The following POLA1 variants were observed in gnomAD, a reference collection of about 807,000 sequenced individuals.
POLA1 encodes DNA polymerase alpha catalytic subunit.
Under a neutral mutation model 124.0 loss-of-function variants are expected in POLA1, and 15 were observed. The ratio of observed to expected loss-of-function variants is 0.12; its 90% CI spans 0.08 to 0.19. POLA1 has a LOEUF of 0.19. Ranked by LOEUF, POLA1 falls within the 10% of genes least tolerant of loss-of-function variation. The pLI, the probability that POLA1 is intolerant of heterozygous loss-of-function variation, is 1.00. For missense variants in POLA1, 886 were observed against 1,103.4 expected (o/e 0.80, Z 2.79); for synonymous variants, 408 against 389.4 (o/e 1.05, Z -0.56).
At chrX:24,970,176 T>C (rs112971735) in intron 36 of POLA1, among the ~76,000 whole-genome samples, 5,391 of 111,838 alleles carry the variant, frequency 0.048, 326 homozygotes, top group African/African-American at 0.17. Context: ...ATCTGATGTT[T>C]GACAAACCTG....
Position 24,930,491 on chromosome X carries a change from C to T in POLA1, c.4203C>T (p.Tyr1401=). 8.3e-7 allele frequency: 1 copy of T among 1,200,672 alleles called. No individual in the cohort carries two copies. The highest frequency in any genetic ancestry group is 1.1e-6 in the Non-Finnish European group (1 of 885,217). Reference sequence around the variant, plus strand: ...CCCTGTACACCCAGCTGTGCTTTTACCGGTACATTTTTGATGCGGAGTGTG... The same window carrying T: ...CCCTGTACACCCAGCTGTGCTTTTATCGGTACATTTTTGATGCGGAGTGTG... ...DKSLYTQLCF[Y]RYIFDAECAL... Residue 1401 remains tyrosine, a synonymous_variant, in exon 36 of 37, where the codon TAC becomes TAT. Coordinates refer to ENST00000379068, the MANE Select transcript of POLA1 (RefSeq NM_001330360.2).
intron 35 of POLA1, among the ~76,000 whole-genome samples, chrX:24,905,219 G>A (rs944794007): frequency 3.7e-5 from 4 of 109,301 alleles, no homozygotes; most frequent in Non-Finnish European, 1.9e-5. Context: ...TGACATTGGC[G>A]ACACAGAAAG....
At chrX:24,901,283 A>C (rs1266161688) in intron 35 of POLA1, among the ~76,000 whole-genome samples, 1 of 111,512 alleles carries the variant, frequency 9.0e-6, no homozygotes, top group African/African-American at 3.3e-5. Flanking sequence ...ATAGTAAGCA[A>C]AGGCCAGAGG....
chrX:24,943,828 C>A (rs1569370810), intron 36 of POLA1, among the ~76,000 whole-genome samples: 1 of 112,173 alleles, frequency 8.9e-6, no homozygotes, highest in African/African-American at 3.2e-5. Context: ...TGTGAATTAG[C>A]AAGGTTCTGC....
chrX:24,852,919 C>T (rs764889354), intron 34 of POLA1, among the ~76,000 whole-genome samples: 221 of 111,912 alleles, frequency 2.0e-3, no homozygotes, highest in Non-Finnish European at 3.7e-3. Flanking sequence ...CTCCATCCAC[C>T]ATCAAAGAAT....
At chrX:24,933,619 T>C (rs1421854596) in intron 36 of POLA1, among the ~76,000 whole-genome samples, 1 of 112,431 alleles carries the variant, frequency 8.9e-6, no homozygotes, top group African/African-American at 3.2e-5. Context: ...CAACATTTCC[T>C]TCACTAAGAT....
chrX:24,861,178 A>G (rs2046711023), intron 34 of POLA1, among the ~76,000 whole-genome samples: 1 of 111,858 alleles, frequency 8.9e-6, no homozygotes, highest in South Asian at 3.7e-4. Context: ...CTTTGCCCAG[A>G]CTGGAGTGCA....
At chrX:24,843,497 T>G (rs2046435460) in intron 33 of POLA1, 49 bp from the exon 34 acceptor site, 1 of 1,040,387 alleles carries the variant, frequency 9.6e-7, no homozygotes, top group Non-Finnish European at 1.3e-6. Flanking sequence ...ACAAAAACCC[T>G]TTTATAGCCT....
intron 36 of POLA1, among the ~76,000 whole-genome samples, chrX:24,961,940 G>A (rs1347292551): frequency 1.8e-5 from 2 of 111,801 alleles, no homozygotes; most frequent in Non-Finnish European, 3.8e-5. Flanking sequence ...AGGGGAAAGA[G>A]CATTGTGATG....
chrX:24,952,534 A>C (rs776433196), intron 36 of POLA1, among the ~76,000 whole-genome samples: 1 of 112,293 alleles, frequency 8.9e-6, no homozygotes, highest in East Asian at 2.8e-4. Flanking sequence ...TGAAAAAAGC[A>C]GAAGGGAAAA....
At chrX:24,942,992 C>T (rs976206136) in intron 36 of POLA1, among the ~76,000 whole-genome samples, 6 of 112,391 alleles carry the variant, frequency 5.3e-5, no homozygotes, top group Admixed American at 4.7e-4. Context: ...CCACTGGGCC[C>T]GCTGTCCTTG....
rs1339175196 is a variant in POLA1 at position 24,801,970 on chromosome X, T to TGTGTGTGTGA, written c.2965-7927_2965-7926insTGTGTGTGAG. Among the ~76,000 whole-genome samples the TGTGTGTGTGA allele has an allele frequency of 2.0e-4, 21 of 106,020 alleles. 1 individual carries two copies. Among genetic ancestry groups the TGTGTGTGTGA allele is most frequent in the Non-Finnish European group, 9.7e-5 (5 of 51,484 alleles). 92.1% of individuals were successfully genotyped at this position (106,020 alleles called of 115,157 possible). ...GTGTGTGTGTGTGTGTGTGTGTGTGTGACATTTATTGTGGAGGCTGTCAAG... is the reference window on the plus strand; with the variant it reads ...GTGTGTGTGTGTGTGTGTGTGTGTGTGTGTGTGTGAGACATTTATTGTGGAGGCTGTCAAG... On this transcript the variant is annotated intron_variant, in intron 26 of 36. Coordinates refer to ENST00000379068, the MANE Select transcript of POLA1 (RefSeq NM_001330360.2).
intron 26 of POLA1, among the ~76,000 whole-genome samples, chrX:24,802,952 C>T (rs1390497948): frequency 3.6e-5 from 4 of 111,219 alleles, no homozygotes; most frequent in African/African-American, 6.5e-5. Flanking sequence ...GAGCCGAGAT[C>T]GTGCCACTGC....
At chrX:24,747,158 C>CT (rs762280757) in intron 24 of POLA1, among the ~76,000 whole-genome samples, 4,338 of 100,147 alleles carry the variant, frequency 0.043, 262 homozygotes, top group African/African-American at 0.15. Flanking sequence ...CTCCAAGCTC[C>CT]TTTTTTTTTT....
intron 32 of POLA1, among the ~76,000 whole-genome samples, chrX:24,828,882 T>A (rs1360931937): frequency 8.9e-6 from 1 of 111,787 alleles, no homozygotes; most frequent in Non-Finnish European, 1.9e-5. Flanking sequence ...CAGACTGATT[T>A]TGTTAGTTCC....
intron 36 of POLA1, among the ~76,000 whole-genome samples, chrX:24,982,957 T>C (rs918270757): frequency 1.2e-4 from 14 of 112,471 alleles, no homozygotes; most frequent in Non-Finnish European, 1.7e-4. Flanking sequence ...TTAAAAATTA[T>C]ATAAATAAGC....
At chrX:24,908,898 T>C (rs2147174930) in intron 35 of POLA1, among the ~76,000 whole-genome samples, 1 of 111,908 alleles carries the variant, frequency 8.9e-6, no homozygotes, top group South Asian at 3.8e-4. Flanking sequence ...CAGCACCTGT[T>C]GTTTCCTGAC....
At chrX:24,919,534 C>T (rs6628040) in intron 35 of POLA1, among the ~76,000 whole-genome samples, 1 of 111,572 alleles carries the variant, frequency 9.0e-6, no homozygotes, top group South Asian at 3.7e-4. Context: ...TCTTGATGTT[C>T]TGTTAGGAAT....
intron 10 of POLA1, among the ~76,000 whole-genome samples, chrX:24,719,300 C>T (rs1030292638): frequency 5.5e-5 from 6 of 109,925 alleles, no homozygotes; most frequent in Non-Finnish European, 9.5e-5. Context: ...GGGGTGGGGG[C>T]GGTCAGAAGC....
Sources: allele counts gnomAD v4.1 joint callset (sites outside exome capture counted in the v4.1 genomes callset), GRCh38; gene constraint gnomAD v4.1.1; transcripts MANE v1.5; gene names NCBI Gene and HGNC (gene_info 2026-07-23, HGNC 2026-07-21).